The following ROBO2 variants were observed in gnomAD, a reference collection of about 807,000 sequenced individuals.
ROBO2 encodes the protein roundabout homolog 2.
Under a neutral mutation model 160.8 loss-of-function variants are expected in ROBO2, and 53 were observed. The observed-to-expected ratio is 0.33, with a 90% CI of 0.26 to 0.41. ROBO2 has a LOEUF of 0.41. Ranked by LOEUF, ROBO2 falls within the 10% of genes least tolerant of loss-of-function variation. ROBO2 has a pLI of 1.00. For synonymous variants in ROBO2, 664 were observed against 611.7 expected (o/e 1.09, Z -1.26); for missense variants, 1,577 against 1,722.4 (o/e 0.92, Z 1.49).
chr3:75,911,084 G>T (rs905664106), intron 1 of ROBO2, among the ~76,000 whole-genome samples: 5 of 151,844 alleles, frequency 3.3e-5, no homozygotes, highest in African/African-American at 1.2e-4. Flanking sequence ...ATTCTAAATG[G>T]AGCTAACAGC....
chr3:76,270,955 T>G (rs1212941130), intron 2 of ROBO2, among the ~76,000 whole-genome samples: 1 of 152,044 alleles, frequency 6.6e-6, no homozygotes, highest in Non-Finnish European at 1.5e-5. Context: ...CTTACACAGG[T>G]TTTTTCCATG....
intron 2 of ROBO2, among the ~76,000 whole-genome samples, chr3:76,876,191 G>C (rs1166979): frequency 0.23 from 34,505 of 152,046 alleles, 4,040 homozygotes; most frequent in Middle Eastern, 0.38. Context: ...GCATGAATTT[G>C]AGAAGAATCA....
At chr3:77,412,137 C>CT (rs1560762889) in intron 2 of ROBO2, among the ~76,000 whole-genome samples, 1 of 145,772 alleles carries the variant, frequency 6.9e-6, no homozygotes, top group Non-Finnish European at 1.5e-5. Context: ...TCTAAAAGTA[C>CT]CCCAGGCAGT....
intron 2 of ROBO2, among the ~76,000 whole-genome samples, chr3:76,207,962 C>G (rs1702912331): frequency 6.6e-6 from 1 of 152,154 alleles, no homozygotes; most frequent in South Asian, 2.1e-4. Flanking sequence ...CAGTGCTGTT[C>G]TTATGATAGT....
At chr3:76,678,128 G>A (rs1364194935) in intron 2 of ROBO2, among the ~76,000 whole-genome samples, 1 of 151,242 alleles carries the variant, frequency 6.6e-6, no homozygotes, top group Non-Finnish European at 1.5e-5. Context: ...ACACCACCAC[G>A]CCCGGCTAAT....
At chr3:75,985,663 A>G (rs1262348373) in intron 2 of ROBO2, among the ~76,000 whole-genome samples, 1 of 151,614 alleles carries the variant, frequency 6.6e-6, no homozygotes, top group African/African-American at 2.4e-5. Context: ...AATCATCACC[A>G]TCCATCTCCA....
intron 1 of ROBO2, among the ~76,000 whole-genome samples, chr3:77,064,759 C>A (rs996003365): frequency 6.6e-6 from 1 of 152,166 alleles, no homozygotes; most frequent in African/African-American, 2.4e-5. Flanking sequence ...CAATCTATTT[C>A]ATAATGATTT....
At chr3:76,256,319 C>A (rs1373087891) in intron 2 of ROBO2, among the ~76,000 whole-genome samples, 4 of 89,470 alleles carry the variant, frequency 4.5e-5, no homozygotes, top group African/African-American at 1.4e-4. Flanking sequence ...CTCTCTCTCT[C>A]TCTCTCTCTC....
chr3:76,940,549 T>G (rs536370814), intron 2 of ROBO2, among the ~76,000 whole-genome samples: 3 of 152,348 alleles, frequency 2.0e-5, no homozygotes, highest in East Asian at 3.9e-4. Flanking sequence ...TAAAATGCCC[T>G]TTCCTTGTCT....
rs571552896 is a variant in ROBO2 at position 76,269,039 on chromosome 3, G to A, written c.109+331437G>A. ...CTGTTATCTTATTGGGGAGGAGGTGGGGATGGTTAATGGGCACAAAAATAT... is the reference window on the plus strand; with the variant it reads ...CTGTTATCTTATTGGGGAGGAGGTGAGGATGGTTAATGGGCACAAAAATAT... On this transcript the variant is annotated intron_variant, in intron 2 of 26. Coordinates refer to the ROBO2 transcript ENST00000487694. 1.2e-3 allele frequency among the ~76,000 whole-genome samples: 186 copies of A among 151,934 alleles called. 1 individual carries two copies. Among genetic ancestry groups the A allele is most frequent in the Non-Finnish European group, 2.2e-3 (148 of 67,958 alleles).
chr3:76,069,124 T>A (rs989120830), intron 2 of ROBO2, among the ~76,000 whole-genome samples: 3 of 152,282 alleles, frequency 2.0e-5, no homozygotes, highest in South Asian at 2.1e-4. Context: ...TCCCCAGCCT[T>A]CATTGTGCTG....
intron 9 of ROBO2, among the ~76,000 whole-genome samples, chr3:77,562,039 G>T (rs554564120): frequency 6.6e-6 from 1 of 151,918 alleles, no homozygotes; most frequent in Admixed American, 6.6e-5. Context: ...GGAGGCAGAG[G>T]TTGCAGTGAG....
chr3:76,528,816 C>T (rs747163081), intron 2 of ROBO2, among the ~76,000 whole-genome samples: 3 of 151,906 alleles, frequency 2.0e-5, no homozygotes, highest in African/African-American at 4.8e-5. Flanking sequence ...TTACAGATTA[C>T]GGAAATGAGA....
chr3:75,931,833 G>C (rs1947556998), intron 1 of ROBO2, among the ~76,000 whole-genome samples: 1 of 151,852 alleles, frequency 6.6e-6, no homozygotes, highest in African/African-American at 2.4e-5. Context: ...TTCTGTACCT[G>C]TCTTCATCTT....
At chr3:77,374,203 A>AAT (rs1581444763) in intron 2 of ROBO2, among the ~76,000 whole-genome samples, 1 of 109,066 alleles carries the variant, frequency 9.2e-6, no homozygotes, top group East Asian at 2.9e-4. Flanking sequence ...AAAAAAAAAA[A>AAT]GCTGGACTAA....
chr3:77,022,634 C>G (rs1255778184), intron 2 of ROBO2, among the ~76,000 whole-genome samples: 1 of 152,058 alleles, frequency 6.6e-6, no homozygotes, highest in African/African-American at 2.4e-5. Context: ...TCACATAAAA[C>G]TTTGATTAAA....
intron 1 of ROBO2, among the ~76,000 whole-genome samples, chr3:77,083,265 T>A (rs982816092): frequency 3.3e-5 from 5 of 152,056 alleles, no homozygotes; most frequent in Admixed American, 2.6e-4. Flanking sequence ...AGCGTGGAGG[T>A]TCAGAGTTTT....
chr3:77,574,478 G>A (rs1308628841), intron 13 of ROBO2, 21 bp from the exon 15 acceptor site: 2 of 1,591,106 alleles, frequency 1.3e-6, no homozygotes, highest in Non-Finnish European at 1.7e-6. Flanking sequence ...AGTTTCAAAT[G>A]CCCTTAACTA....
chr3:76,238,939 A>G (rs1705125234), intron 2 of ROBO2, among the ~76,000 whole-genome samples: 1 of 152,206 alleles, frequency 6.6e-6, no homozygotes, highest in Non-Finnish European at 1.5e-5. Context: ...AGAGAGACCA[A>G]TGAGAAGCCT....
Sources: gnomAD v4.1 joint callset for allele counts (sites outside exome capture counted in the v4.1 genomes callset) on GRCh38, gnomAD v4.1.1 for gene constraint, MANE v1.5 for transcripts, NCBI Gene and HGNC (gene_info 2026-07-23, HGNC 2026-07-21) for gene names.